Variants in IGSF10 observed in about 807,000 individuals in gnomAD.
IGSF10 encodes calvaria mechanical force protein 608.
In IGSF10, 126 loss-of-function variants were observed where a neutral mutation model predicts 128.2. That is an observed-to-expected ratio of 0.98 (90% CI 0.85 to 1.14). The LOEUF (loss-of-function observed/expected upper bound fraction) is 1.14, where lower values mean the gene tolerates loss of function less well. Among genes scored for constraint, IGSF10 ranks in the 50% most tolerant of loss-of-function variants. IGSF10 has a pLI of 0.00. For synonymous variants in IGSF10, 1,185 were observed against 1,146.2 expected, an observed-to-expected ratio of 1.03 and a Z score of -0.68; for missense variants, 3,295 against 3,149.8, an observed-to-expected ratio of 1.05 and a Z score of -1.10.
At chr3:151,597,006 G>T in the IGSF10 span, among the ~76,000 whole-genome samples, 2 of 151,746 alleles carry the variant, frequency 1.3e-5, no homozygotes, top group Non-Finnish European at 2.9e-5. Flanking sequence ...TGAGTTTCCG[G>T]GGTTTTTTTT....
chr3:151,446,045 T>TA lies in IGSF10; in HGVS notation c.3935dup (p.Ser1313IlefsTer21). On this transcript the variant is annotated frameshift_variant, in exon 6 of 8. Transcript: ENST00000282466. LOFTEE classifies it high-confidence loss of function. ...TTGCTGGTATTGCTGTTTGCGTTGATATGATGCTTTTTGTACTTGAGTCTT... is the reference window on the plus strand; with the variant it reads ...TTGCTGGTATTGCTGTTTGCGTTGATAATGATGCTTTTTGTACTTGAGTCTT... The TA allele has an allele frequency of 6.2e-7, 1 of 1,614,148 alleles. No homozygotes were observed. Among genetic ancestry groups the TA allele is most frequent in the Non-Finnish European group, 8.5e-7 (1 of 1,180,022 alleles).
chr3:151,541,392 A>C, the IGSF10 span, among the ~76,000 whole-genome samples: 1 of 152,194 alleles, frequency 6.6e-6, no homozygotes, highest in Admixed American at 6.5e-5. Flanking sequence ...CATATTTTAG[A>C]ATTTGATGTC....
At chr3:151,581,421 C>G in the IGSF10 span, among the ~76,000 whole-genome samples, 2 of 152,150 alleles carry the variant, frequency 1.3e-5, no homozygotes, top group Non-Finnish European at 2.9e-5. Context: ...TTTGTGCTCA[C>G]TGTCACTACC....
chr3:151,589,805 C>A, the IGSF10 span, among the ~76,000 whole-genome samples: 1 of 152,108 alleles, frequency 6.6e-6, no homozygotes, highest in Non-Finnish European at 1.5e-5. Context: ...TGGCTATAGA[C>A]TTTATCCTAG....
At chr3:151,449,592 G>T (rs1350777862) in intron 5 of IGSF10, among the ~76,000 whole-genome samples, 1 of 152,104 alleles carries the variant, frequency 6.6e-6, no homozygotes, top group Non-Finnish European at 1.5e-5. Flanking sequence ...GAAACAAAAT[G>T]ATATGCTCAT....
the IGSF10 span, among the ~76,000 whole-genome samples, chr3:151,591,369 TATA>T: frequency 6.9e-6 from 1 of 144,898 alleles, no homozygotes; most frequent in African/African-American, 2.5e-5. Flanking sequence ...ATTTGATGAT[TATA>T]ATTATTTTAC....
chr3:151,464,897 A>T (rs910358160), upstream of IGSF10, among the ~76,000 whole-genome samples: 1 of 152,238 alleles, frequency 6.6e-6, no homozygotes, highest in African/African-American at 2.4e-5. Flanking sequence ...TCAACCAACT[A>T]AAGTCAAACT....
the IGSF10 span, among the ~76,000 whole-genome samples, chr3:151,537,294 AC>A: frequency 1.3e-5 from 2 of 152,224 alleles, no homozygotes; most frequent in African/African-American, 2.4e-5. Context: ...AGCTTGGGTT[AC>A]TTTCTCTCAA....
At chr3:151,530,082 G>A in the IGSF10 span, among the ~76,000 whole-genome samples, 7 of 151,676 alleles carry the variant, frequency 4.6e-5, no homozygotes, top group Admixed American at 1.3e-4. Context: ...ATCAATAGCC[G>A]AATTGATCAA....
intron 4 of IGSF10, among the ~76,000 whole-genome samples, chr3:151,454,261 G>A (rs1255181380): frequency 2.0e-5 from 3 of 151,810 alleles, no homozygotes; most frequent in Non-Finnish European, 2.9e-5. Context: ...CAGGTGATCC[G>A]CCCACCTCAG....
downstream of IGSF10, chr3:151,434,265 C>A (rs1205959992): frequency 6.6e-6 from 1 of 152,122 alleles, no homozygotes; most frequent in African/African-American, 2.4e-5. Flanking sequence ...TAGACATTTT[C>A]TTTTGCAAAT....
At chr3:151,450,848 T>C (rs535968674) in intron 5 of IGSF10, among the ~76,000 whole-genome samples, 1 of 120,322 alleles carries the variant, frequency 8.3e-6, no homozygotes, top group African/African-American at 3.3e-5. Context: ...TGAGCCAAGA[T>C]CACACCATTG....
chr3:151,503,205 T>C, the IGSF10 span, among the ~76,000 whole-genome samples: 11 of 151,996 alleles, frequency 7.2e-5, no homozygotes, highest in African/African-American at 2.7e-4. Context: ...TACAAATAAA[T>C]CTTCAAGTAC....
the IGSF10 span, among the ~76,000 whole-genome samples, chr3:151,513,257 C>A: frequency 6.6e-6 from 1 of 152,010 alleles, no homozygotes; most frequent in East Asian, 1.9e-4. Context: ...CATCAAAAAG[C>A]TTATTCACCA....
the IGSF10 span, among the ~76,000 whole-genome samples, chr3:151,582,508 A>G: frequency 1.3e-5 from 2 of 151,986 alleles, no homozygotes; most frequent in African/African-American, 4.8e-5. Context: ...AATATATACC[A>G]TTTTGTGGCT....
chr3:151,460,805 G>A (rs1722015530), intron 1 of IGSF10, 141 bp downstream of exon 1: 1 of 441,020 alleles, frequency 2.3e-6, no homozygotes, highest in Non-Finnish European at 3.0e-6. Flanking sequence ...TTCTCCGGGT[G>A]CGTCTTCCCT....
chr3:151,435,274 A>C (rs1720016189), downstream of IGSF10: 1 of 152,142 alleles, frequency 6.6e-6, no homozygotes, highest in South Asian at 2.1e-4. Flanking sequence ...CAGTTCTTGG[A>C]TATAAGAAGC....
At chr3:151,582,468 ATTTTGAC>A in the IGSF10 span, among the ~76,000 whole-genome samples, 2 of 151,874 alleles carry the variant, frequency 1.3e-5, no homozygotes, top group Non-Finnish European at 2.9e-5. Context: ...TTCGCACCAG[ATTTTGAC>A]TTTTATGTAA....
At position 151,438,564 on chromosome 3, in the gene IGSF10, T is replaced by TC. The variant is rs770294032; in HGVS notation, c.5996dup (p.Ser2000IlefsTer26). ...CTGTTACTGATCCAATAAACAGGGATCCATTAGGGTAGACGTGGATCCAGC... is the reference window on the plus strand; with the variant it reads ...CTGTTACTGATCCAATAAACAGGGATCCCATTAGGGTAGACGTGGATCCAGC... On this transcript the variant is annotated frameshift_variant, in exon 8 of 8. Coordinates refer to ENST00000282466, the MANE Select transcript of IGSF10 (RefSeq NM_178822.5). LOFTEE classifies it low-confidence loss of function (END_TRUNC). 1.5e-4 allele frequency: 248 copies of TC among 1,613,544 alleles called. No individual in the cohort carries two copies. The highest frequency in any genetic ancestry group is 9.7e-5 in the Non-Finnish European group (114 of 1,179,984).
Sources: allele counts gnomAD v4.1 joint callset (sites outside exome capture counted in the v4.1 genomes callset), GRCh38; gene constraint gnomAD v4.1.1; transcripts MANE v1.5; gene names NCBI Gene and HGNC (gene_info 2026-07-23, HGNC 2026-07-21).